Variants in KIF5C observed in about 807,000 individuals in gnomAD.
KIF5C encodes kinesin heavy chain isoform 5C.
Under a neutral mutation model 125.2 loss-of-function variants are expected in KIF5C, and 18 were observed. The ratio of observed to expected loss-of-function variants is 0.14; its 90% CI spans 0.10 to 0.21. KIF5C has a LOEUF of 0.21. Among genes scored for constraint, KIF5C ranks in the 10% least tolerant of loss-of-function variants. The probability of loss-of-function intolerance (pLI) is 1.00; values close to 1 mark genes in which losing one functional copy is unlikely to be tolerated. For missense variants in KIF5C, 780 were observed against 1,183.8 expected (o/e 0.66, Z 5.01); for synonymous variants, 405 against 434.0 (o/e 0.93, Z 0.83).
intron 3 of KIF5C, among the ~76,000 whole-genome samples, chr2:148,934,481 A>G (rs1408349165): frequency 6.6e-6 from 1 of 151,376 alleles, no homozygotes; most frequent in Non-Finnish European, 1.5e-5. Context: ...CCACACACAC[A>G]GAGACACCCC....
chr2:148,914,511 T>G (rs934154396), intron 1 of KIF5C, among the ~76,000 whole-genome samples: 2 of 152,254 alleles, frequency 1.3e-5, no homozygotes, highest in African/African-American at 4.8e-5. Flanking sequence ...AGTGGGAATT[T>G]TGGCAGAAAG....
intron 1 of KIF5C, among the ~76,000 whole-genome samples, chr2:148,906,184 C>T (rs1558883170): frequency 6.6e-6 from 1 of 152,270 alleles, no homozygotes; most frequent in East Asian, 1.9e-4. Context: ...TGCGTCTTCT[C>T]TTGCCAGTAA....
At position 149,023,394 on chromosome 2, in the gene KIF5C, A is replaced by G. The variant is rs896727543; in HGVS notation, c.*324A>G. 1 of 152,640 alleles carries G rather than the reference A, an allele frequency of 6.6e-6. No homozygotes were observed. Among genetic ancestry groups the G allele is most frequent in the Non-Finnish European group, 1.5e-5 (1 of 68,032 alleles). The allele number at this position is 152,640 out of a possible 1,614,324, so 9.5% of individuals were successfully genotyped here. On this transcript the variant is annotated 3_prime_UTR_variant, in exon 26 of 26. Transcript: ENST00000435030. ...CCTCCTCTGGGCAGTGCACTGTCCC[A>G]TCTGTACGCCCTAATGTGCCATTCC...
chr2:148,959,405 A>G (rs910518113), intron 10 of KIF5C, among the ~76,000 whole-genome samples: 1 of 151,878 alleles, frequency 6.6e-6, no homozygotes, highest in African/African-American at 2.4e-5. Flanking sequence ...GCCAATTTCT[A>G]TACACATACA....
At chr2:148,932,751 T>TC (rs1682207711) in intron 3 of KIF5C, among the ~76,000 whole-genome samples, 1 of 152,290 alleles carries the variant, frequency 6.6e-6, no homozygotes, top group African/African-American at 2.4e-5. Context: ...TTCCCAGCCG[T>TC]CCCGCCAAGC....
chr2:148,991,277 G>T, intron 16 of KIF5C, 79 bp downstream of exon 16: 1 of 1,513,394 alleles, frequency 6.6e-7, no homozygotes, highest in Non-Finnish European at 8.8e-7. Flanking sequence ...GGTGCTGATG[G>T]TGCACCTTAG....
intron 21 of KIF5C, 78 bp from the exon 22 acceptor site, chr2:149,005,315 G>T: frequency 6.4e-7 from 1 of 1,564,336 alleles, no homozygotes; most frequent in Non-Finnish European, 8.7e-7. Context: ...GGAAGTGTCG[G>T]GGGAATGATC....
intron 21 of KIF5C, among the ~76,000 whole-genome samples, chr2:149,002,200 C>A (rs1386596955): frequency 6.6e-6 from 1 of 152,232 alleles, no homozygotes; most frequent in East Asian, 1.9e-4. Flanking sequence ...CACTATATTT[C>A]TACCAGCCAG....
rs10569710 is a variant in KIF5C, at chr2:148,971,266, A to ATCTGTCTG, written c.1118-2050_1118-2043dup. ...TCCTGAATTATTGTGTGATTAGAAA[A>ATCTGTCTG]TCTGTCTGTCTGTCTGTCTGTCTGT... On this transcript the variant is annotated intron_variant, in intron 11 of 25. Coordinates refer to ENST00000435030, the MANE Select transcript of KIF5C (RefSeq NM_004522.3). Among the ~76,000 whole-genome samples, 1,461 of 146,812 alleles carry ATCTGTCTG rather than the reference A, an allele frequency of 1.0e-2. 22 individuals are homozygous for ATCTGTCTG. The highest frequency in any genetic ancestry group is 0.024 in the Admixed American group (352 of 14,466).
chr2:148,893,965 T>C (rs1265761322), intron 1 of KIF5C, among the ~76,000 whole-genome samples: 1 of 152,134 alleles, frequency 6.6e-6, no homozygotes, highest in Non-Finnish European at 1.5e-5. Flanking sequence ...TTCAAGCAAC[T>C]CACTGTTTAG....
At chr2:148,910,474 A>G (rs1433165623) in intron 1 of KIF5C, among the ~76,000 whole-genome samples, 1 of 152,186 alleles carries the variant, frequency 6.6e-6, no homozygotes, top group Non-Finnish European at 1.5e-5. Context: ...AGTCAGTCAA[A>G]TATATTAGCC....
chr2:148,937,808 T>C (rs1266843519), intron 4 of KIF5C, among the ~76,000 whole-genome samples: 1 of 152,222 alleles, frequency 6.6e-6, no homozygotes, highest in Non-Finnish European at 1.5e-5. Flanking sequence ...TCTTGAACAG[T>C]GTTAAGTTTA....
intron 2 of KIF5C, among the ~76,000 whole-genome samples, chr2:148,926,122 C>T (rs1358355610): frequency 6.6e-6 from 1 of 152,252 alleles, no homozygotes; most frequent in South Asian, 2.1e-4. Context: ...TGATCACATC[C>T]TCCCCCAATT....
intron 1 of KIF5C, among the ~76,000 whole-genome samples, chr2:148,911,490 A>G (rs1375658168): frequency 6.6e-6 from 1 of 152,164 alleles, no homozygotes; most frequent in African/African-American, 2.4e-5. Context: ...GCCCTTTAAG[A>G]AGGCAGATGA....
At chr2:149,008,110 C>T (rs748950725) in intron 23 of KIF5C, 43 bp downstream of exon 23, 1 of 1,562,410 alleles carries the variant, frequency 6.4e-7, no homozygotes, top group Admixed American at 1.8e-5. Context: ...CCTCCTCTCT[C>T]CTGGAAAGAA....
At position 148,978,979 on chromosome 2, in the gene KIF5C, G is replaced by C. The variant is rs766987378; in HGVS notation, c.1351G>C (p.Asp451His). The change falls in exon 13 of 26, where the codon GAT becomes CAT. Residue 451 changes from aspartate to histidine, a missense_variant. Physicochemically the swap from Asp to His is moderately conservative, Grantham distance 81. Coordinates refer to ENST00000435030, the MANE Select transcript of KIF5C (RefSeq NM_004522.3). ...LAEKLKQQML[D>H]QDELLASTRR... Reference sequence around the variant, plus strand: ...TGAAAAGCTGAAGCAACAGATGTTGGATCAGGATGAGGTAAAGAATGCAAT... The same window carrying C: ...TGAAAAGCTGAAGCAACAGATGTTGCATCAGGATGAGGTAAAGAATGCAAT... The C allele has an allele frequency of 3.1e-6, 5 of 1,590,678 alleles. No homozygotes were observed. In the South Asian group the frequency reaches 5.8e-5, roughly 18 times the overall value.
intron 2 of KIF5C, among the ~76,000 whole-genome samples, chr2:148,925,037 G>A (rs1681937433): frequency 6.6e-6 from 1 of 152,202 alleles, no homozygotes; most frequent in Non-Finnish European, 1.5e-5. Flanking sequence ...TAGAAAGGGT[G>A]TATGCAAAAT....
intron 2 of KIF5C, among the ~76,000 whole-genome samples, chr2:148,926,820 G>A (rs1017732018): frequency 6.6e-6 from 1 of 152,176 alleles, no homozygotes; most frequent in Non-Finnish European, 1.5e-5. Context: ...GATAGAGGGC[G>A]ACGTCGGCTC....
intron 17 of KIF5C, among the ~76,000 whole-genome samples, chr2:148,995,061 C>T (rs369429635): frequency 6.6e-6 from 1 of 152,120 alleles, no homozygotes; most frequent in Non-Finnish European, 1.5e-5. Context: ...CCTCACAGTC[C>T]ACCCAGTTAC....
Sources: allele counts gnomAD v4.1 joint callset (sites outside exome capture counted in the v4.1 genomes callset), GRCh38; gene constraint gnomAD v4.1.1; transcripts MANE v1.5; gene names NCBI Gene and HGNC (gene_info 2026-07-23, HGNC 2026-07-21).